The following SLC7A8 variants were observed in gnomAD, a reference collection of about 807,000 sequenced individuals.
SLC7A8 encodes solute carrier family 7 member 8, also known as large neutral amino acids transporter small subunit 2.
Under a neutral mutation model 51.2 loss-of-function variants are expected in SLC7A8, and 30 were observed. The observed-to-expected ratio is 0.59, with a 90% CI of 0.44 to 0.80. The LOEUF (loss-of-function observed/expected upper bound fraction) is 0.80, where lower values mean the gene tolerates loss of function less well. Among genes scored for constraint, SLC7A8 ranks in the 30% least tolerant of loss-of-function variants. The pLI is 0.00. For synonymous variants in SLC7A8, 257 were observed against 275.8 expected (o/e 0.93, Z 0.67); for missense variants, 612 against 674.4 (o/e 0.91, Z 1.03).
intron 3 of SLC7A8, among the ~76,000 whole-genome samples, chr14:23,161,919 T>A (rs1594836619): frequency 3.3e-5 from 2 of 59,804 alleles, no homozygotes; most frequent in African/African-American, 5.9e-5. Flanking sequence ...AGAGTGAGAC[T>A]CCATCTAAAA....
intron 3 of SLC7A8, among the ~76,000 whole-genome samples, chr14:23,147,106 A>ATCCATCCATCCATCC (rs1421417665): frequency 2.1e-3 from 14 of 6,524 alleles, no homozygotes; most frequent in African/African-American, 3.5e-3. Context: ...TCCATCCATC[A>ATCCATCCATCCATCC]TAGATCCATT....
rs148791025 is a variant in SLC7A8, at chr14:23,182,843, G to A, written c.72C>T (p.Ser24=). Residue 24 remains serine (S), a synonymous_variant, in exon 1 of 11, where the codon AGC becomes AGT. Coordinates refer to ENST00000316902, the MANE Select transcript of SLC7A8 (RefSeq NM_012244.4). ...CGCCCCCTCCGGAACCAGCCTCGGG[G>A]CTGGCGTCCGACTCGCCCCCACCTG... The part of the protein sequence containing the change: ...KHPGGGESDA[S]PEAGSGGGGV... 3.1e-6 allele frequency: 5 copies of A among 1,613,988 alleles called. No individual in the cohort carries two copies. The highest frequency in any genetic ancestry group is 1.1e-5 in the South Asian group (1 of 91,074).
chr14:23,153,592 T>C (rs2048866037), intron 3 of SLC7A8, among the ~76,000 whole-genome samples: 2 of 152,188 alleles, frequency 1.3e-5, no homozygotes, highest in South Asian at 4.1e-4. Flanking sequence ...GGGAAGACTT[T>C]CACAGTTATG....
chr14:23,164,027 C>A (rs1356523641), intron 3 of SLC7A8, among the ~76,000 whole-genome samples: 1 of 151,368 alleles, frequency 6.6e-6, no homozygotes, highest in African/African-American at 2.4e-5. Context: ...AGTGGCTATT[C>A]ATAGGTGTAA....
intron 3 of SLC7A8, among the ~76,000 whole-genome samples, chr14:23,158,291 A>C (rs2048904279): frequency 6.6e-6 from 1 of 152,188 alleles, no homozygotes; most frequent in Non-Finnish European, 1.5e-5. Flanking sequence ...TCCTGGGAGC[A>C]CCACCCTGGG....
intron 1 of SLC7A8, among the ~76,000 whole-genome samples, chr14:23,173,042 A>G (rs11845990): frequency 0.019 from 2,941 of 152,322 alleles, 32 homozygotes; most frequent in African/African-American, 0.028. Context: ...TTAAGTCTAT[A>G]GTTTAGCAGT....
At chr14:23,155,300 T>C (rs1389418721) in intron 3 of SLC7A8, 2 of 1,535,988 alleles carry the variant, frequency 1.3e-6, no homozygotes, top group Non-Finnish European at 8.7e-7. Context: ...TGAGTGCTCC[T>C]GGAGGCACAC....
chr14:23,139,310 G>A (rs577750738), intron 6 of SLC7A8, 114 bp downstream of exon 6: 3 of 1,517,848 alleles, frequency 2.0e-6, no homozygotes, highest in African/African-American at 2.7e-5. Context: ...CTGAGAACTT[G>A]GGGGTGATTT....
chr14:23,144,026 G>GT (rs2048768490), intron 3 of SLC7A8, among the ~76,000 whole-genome samples: 1 of 152,212 alleles, frequency 6.6e-6, no homozygotes, highest in Admixed American at 6.5e-5. Context: ...TGATATAAAG[G>GT]TATCTGTTTG....
intron 3 of SLC7A8, chr14:23,155,047 G>T: frequency 1.5e-6 from 1 of 675,040 alleles, no homozygotes; most frequent in Non-Finnish European, 2.2e-6. Context: ...CATAAACTGC[G>T]CTTTGATCCC....
At chr14:23,161,489 ACT>A (rs5807210) in intron 3 of SLC7A8, among the ~76,000 whole-genome samples, 101,983 of 149,722 alleles carry the variant, frequency 0.68, 39,062 homozygotes, top group Non-Finnish European at 0.85. Context: ...CCACACCGGA[ACT>A]CTCTACTGCG....
Position 23,165,832 on chromosome 14 carries a change from C to T in SLC7A8, c.357-396G>A, listed in dbSNP as rs1281392628. Among the ~76,000 whole-genome samples the T allele has an allele frequency of 6.6e-6, 1 of 152,074 alleles. No homozygotes were observed. Among genetic ancestry groups the T allele is most frequent in the Non-Finnish European group, 1.5e-5 (1 of 68,020 alleles). On this transcript the variant is annotated intron_variant, in intron 2 of 10. Transcript: ENST00000316902. The surrounding 1 kb of genome is among the most constrained non-coding windows in gnomAD (Gnocchi z 4.2). ...ATCAAGTGGGGGTTTGCAGGGGAAGCGCCTTCCACACCTTTTGGCCCATTG... is the reference window on the plus strand; with the variant it reads ...ATCAAGTGGGGGTTTGCAGGGGAAGTGCCTTCCACACCTTTTGGCCCATTG...
At chr14:23,144,201 A>G (rs866391600) in intron 3 of SLC7A8, among the ~76,000 whole-genome samples, 3 of 152,158 alleles carry the variant, frequency 2.0e-5, no homozygotes, top group African/African-American at 2.4e-5. Context: ...CCTGGGCCAT[A>G]GAGTAAATGT....
chr14:23,148,615 G>A (rs2048819632), intron 3 of SLC7A8, among the ~76,000 whole-genome samples: 1 of 152,240 alleles, frequency 6.6e-6, no homozygotes, highest in African/African-American at 2.4e-5. Context: ...AGGGAGGCAA[G>A]AAGGTCAGAG....
chr14:23,180,197 C>T (rs549645602), intron 1 of SLC7A8, among the ~76,000 whole-genome samples: 26 of 152,314 alleles, frequency 1.7e-4, no homozygotes, highest in East Asian at 3.9e-4. Flanking sequence ...TGAGCCACCG[C>T]ACCCGGCCCT....
chr14:23,158,820 AC>A (rs1478946444), intron 3 of SLC7A8, among the ~76,000 whole-genome samples: 1 of 152,028 alleles, frequency 6.6e-6, no homozygotes, highest in Non-Finnish European at 1.5e-5. Context: ...CATCCTTGTT[AC>A]TTCATTCTTA....
chr14:23,129,765 T>C lies in SLC7A8; in HGVS notation c.1148A>G (p.Asp383Gly). Residue 383 changes from aspartate to glycine, a missense_variant, in exon 9 of 11, where the codon GAC becomes GGC. Transcript: ENST00000316902. ...ISTLLMLVTSDMYTLINYVGF... is the reference protein window; with the variant it reads ...ISTLLMLVTSGMYTLINYVGF... ...CACATAGTTGATGAGTGTGTACATG[T>C]CGCTGGTGACCAGCATCAGCAGGGT... The C allele has an allele frequency of 6.2e-7, 1 of 1,614,188 alleles. No homozygotes were observed. Among genetic ancestry groups the C allele is most frequent in the East Asian group, 2.2e-5 (1 of 44,888 alleles).
In SLC7A8 at chr14:23,182,950, C is replaced by G; in HGVS notation, c.-36G>C. ...AGGATTGCAACCTCAAAAGCTGCCT[C>G]CCTTTCTAAATGCGTATTCGTGTAA... On this transcript the variant is annotated 5_prime_UTR_variant, in exon 1 of 11. Coordinates refer to ENST00000316902, the MANE Select transcript of SLC7A8 (RefSeq NM_012244.4). The G allele has an allele frequency of 1.2e-6, 2 of 1,613,830 alleles. No homozygotes were observed. The highest frequency in any genetic ancestry group is 1.7e-6 in the Non-Finnish European group (2 of 1,179,910).
chr14:23,153,478 T>C (rs374432007), intron 3 of SLC7A8, among the ~76,000 whole-genome samples: 1 of 152,300 alleles, frequency 6.6e-6, no homozygotes, highest in East Asian at 1.9e-4. Context: ...TGGTCACTAC[T>C]GCCAGTGCCA....
Sources: allele counts gnomAD v4.1 joint callset (sites outside exome capture counted in the v4.1 genomes callset), GRCh38; gene constraint gnomAD v4.1.1; non-coding constraint Gnocchi (gnomAD v3.1); transcripts MANE v1.5; gene names NCBI Gene and HGNC (gene_info 2026-07-23, HGNC 2026-07-21).